The following WWOX variants were observed in gnomAD, a reference collection of about 807,000 sequenced individuals.
WWOX encodes WW domain containing oxidoreductase, also known as WW domain-containing oxidoreductase.
A neutral mutation model predicts 46.2 loss-of-function variants in WWOX; 69 were observed. The ratio of observed to expected loss-of-function variants is 1.49; its 90% CI spans 1.23 to 1.82. The LOEUF (loss-of-function observed/expected upper bound fraction) is 1.82. Ranked by LOEUF, WWOX falls within the 40% of genes most tolerant of loss-of-function variation. WWOX has a pLI of 0.00. For synonymous variants in WWOX, 359 were observed against 202.6 expected (o/e 1.77, Z -6.56); for missense variants, 919 against 542.6 (o/e 1.69, Z -6.89).
chr16:78,120,841 G>A (rs896744485), intron 4 of WWOX, among the ~76,000 whole-genome samples: 3 of 152,168 alleles, frequency 2.0e-5, no homozygotes, highest in Admixed American at 2.0e-4. Context: ...GTAGAGAAGG[G>A]TATTCATTCC....
At chr16:78,139,796 T>C (rs563164466) in intron 4 of WWOX, among the ~76,000 whole-genome samples, 2 of 152,224 alleles carry the variant, frequency 1.3e-5, no homozygotes, top group Non-Finnish European at 2.9e-5. Flanking sequence ...AAGAGAGGGA[T>C]GGGGAATTCA....
intron 8 of WWOX, among the ~76,000 whole-genome samples, chr16:79,050,668 G>C (rs890366165): frequency 2.0e-5 from 3 of 152,272 alleles, no homozygotes; most frequent in African/African-American, 4.8e-5. Flanking sequence ...AAGAACAGGA[G>C]TGACATGACT....
chr16:78,772,017 A>T (rs1368917820), intron 8 of WWOX, among the ~76,000 whole-genome samples: 2 of 152,188 alleles, frequency 1.3e-5, no homozygotes, highest in African/African-American at 2.4e-5. Flanking sequence ...TCTTACTGGA[A>T]ATGTTAATTG....
intron 8 of WWOX, among the ~76,000 whole-genome samples, chr16:78,691,074 T>G (rs1252790911): frequency 6.6e-6 from 1 of 152,244 alleles, no homozygotes; most frequent in Non-Finnish European, 1.5e-5. Context: ...TAAAATGTAT[T>G]AATGACTTCT....
At chr16:78,865,861 G>T (rs1359955283) in intron 8 of WWOX, among the ~76,000 whole-genome samples, 2 of 152,306 alleles carry the variant, frequency 1.3e-5, no homozygotes, top group South Asian at 2.1e-4. Context: ...CCTGGGCGAT[G>T]AGTGAAACTC....
chr16:78,755,893 C>A (rs987504775), intron 8 of WWOX, among the ~76,000 whole-genome samples: 2 of 152,138 alleles, frequency 1.3e-5, no homozygotes, highest in Non-Finnish European at 1.5e-5. Context: ...ATTACTGTAA[C>A]TTCATAGGAT....
chr16:78,596,930 T>G (rs2045505058), intron 8 of WWOX, among the ~76,000 whole-genome samples: 1 of 152,148 alleles, frequency 6.6e-6, no homozygotes, highest in African/African-American at 2.4e-5. Flanking sequence ...GATGCTATCC[T>G]CAATAAACAT....
At chr16:78,169,138 C>A (rs1402025721) in intron 5 of WWOX, among the ~76,000 whole-genome samples, 1 of 152,178 alleles carries the variant, frequency 6.6e-6, no homozygotes, top group East Asian at 1.9e-4. Context: ...CTACCTCATT[C>A]ACATCCTTAT....
At chr16:79,066,782 A>G (rs573800193) in intron 8 of WWOX, among the ~76,000 whole-genome samples, 17 of 152,318 alleles carry the variant, frequency 1.1e-4, no homozygotes, top group African/African-American at 3.4e-4. Flanking sequence ...CCCTCTGGCA[A>G]TGGTCCAGGT....
chr16:79,142,346 G>A (rs2050106047), intron 8 of WWOX, among the ~76,000 whole-genome samples: 1 of 152,176 alleles, frequency 6.6e-6, no homozygotes, highest in African/African-American at 2.4e-5. Context: ...GCTGGAACTG[G>A]CTGCACCAGC....
At chr16:78,282,735 G>T (rs183871031) in intron 5 of WWOX, among the ~76,000 whole-genome samples, 2 of 152,080 alleles carry the variant, frequency 1.3e-5, no homozygotes, top group South Asian at 2.1e-4. Context: ...AAAATTAGCC[G>T]GGAGTGGTGG....
At chr16:78,927,212 C>G (rs1413582025) in intron 8 of WWOX, among the ~76,000 whole-genome samples, 1 of 152,156 alleles carries the variant, frequency 6.6e-6, no homozygotes, top group Non-Finnish European at 1.5e-5. Context: ...TACTCGTGAG[C>G]AGGATTTTCA....
At chr16:78,619,426 C>A (rs936716519) in intron 8 of WWOX, among the ~76,000 whole-genome samples, 2 of 144,572 alleles carry the variant, frequency 1.4e-5, no homozygotes, top group African/African-American at 5.1e-5. Context: ...TATATCTCAA[C>A]AAATTTGTAC....
At chr16:78,367,048 C>A (rs1006917476) in intron 5 of WWOX, among the ~76,000 whole-genome samples, 1 of 135,488 alleles carries the variant, frequency 7.4e-6, no homozygotes, top group Non-Finnish European at 1.5e-5. Flanking sequence ...GGTGTGATTT[C>A]AGCTCACAGC....
intron 5 of WWOX, among the ~76,000 whole-genome samples, chr16:78,250,041 A>G (rs984562674): frequency 1.3e-5 from 2 of 152,142 alleles, no homozygotes; most frequent in South Asian, 4.1e-4. Flanking sequence ...CATTACCTTC[A>G]CCTGGAGGGA....
chr16:78,537,581 A>G (rs1031132516), intron 8 of WWOX, among the ~76,000 whole-genome samples: 1 of 152,060 alleles, frequency 6.6e-6, no homozygotes, highest in African/African-American at 2.4e-5. Context: ...ATTGTTTGCC[A>G]CTGGGAACCA....
At chr16:78,498,815 C>G (rs2084981860) in intron 8 of WWOX, among the ~76,000 whole-genome samples, 1 of 152,148 alleles carries the variant, frequency 6.6e-6, no homozygotes, top group Non-Finnish European at 1.5e-5. Context: ...GTCTTCCTGC[C>G]TTGGCCTCCC....
At chr16:78,508,310 CTTTTTTTTTTT>C (rs60281450) in intron 8 of WWOX, among the ~76,000 whole-genome samples, 33 of 112,770 alleles carry the variant, frequency 2.9e-4, no homozygotes, top group Middle Eastern at 5.1e-3. Context: ...TGCGCCCGGC[CTTTTTTTTTTT>C]TTTTTTTTTT....
chr16:78,343,837 C>G (rs1322620643), intron 5 of WWOX, among the ~76,000 whole-genome samples: 1 of 119,826 alleles, frequency 8.3e-6, no homozygotes, highest in Non-Finnish European at 2.0e-5. Context: ...TAATATGACA[C>G]CCGTTTTGGG....
Sources: gnomAD v4.1 joint callset for allele counts (sites outside exome capture counted in the v4.1 genomes callset) on GRCh38, gnomAD v4.1.1 for gene constraint, MANE v1.5 for transcripts, NCBI Gene and HGNC (gene_info 2026-07-23, HGNC 2026-07-21) for gene names.